Variants in VWC2L observed in about 807,000 individuals in gnomAD.
The protein encoded by VWC2L is von Willebrand factor C domain-containing protein 2-like.
VWC2L carries 10 observed loss-of-function variants against 21.6 expected under a neutral mutation model. The ratio of observed to expected loss-of-function variants is 0.46; its 90% confidence interval spans 0.29 to 0.78. The LOEUF (loss-of-function observed/expected upper bound fraction) is 0.78. VWC2L is among the 30% of genes least tolerant of loss of function. VWC2L has a pLI of 0.10. For missense variants in VWC2L, 209 were observed against 277.1 expected, an observed-to-expected ratio of 0.75 and a Z score of 1.74; for synonymous variants, 96 against 94.3, an observed-to-expected ratio of 1.02 and a Z score of -0.10.
chr2:214,567,114 CTAAG>C (rs754372504), intron 3 of VWC2L, among the ~76,000 whole-genome samples: 7 of 152,142 alleles, frequency 4.6e-5, no homozygotes, highest in Non-Finnish European at 8.8e-5. Flanking sequence ...CTAAAAGACA[CTAAG>C]TGTCAATAAT....
At chr2:214,515,946 C>T (rs1221114807) in intron 3 of VWC2L, among the ~76,000 whole-genome samples, 3 of 152,188 alleles carry the variant, frequency 2.0e-5, no homozygotes, top group Admixed American at 2.0e-4. Context: ...AACATTCTTT[C>T]TACCTCTTTA....
At chr2:214,516,372 G>A (rs2105908633) in intron 3 of VWC2L, among the ~76,000 whole-genome samples, 1 of 152,160 alleles carries the variant, frequency 6.6e-6, no homozygotes, top group Admixed American at 6.5e-5. Context: ...TGGCTTGCCA[G>A]GAGCTGCTAT....
intron 3 of VWC2L, among the ~76,000 whole-genome samples, chr2:214,508,390 T>A (rs1444389662): frequency 6.6e-6 from 1 of 152,208 alleles, no homozygotes; most frequent in Non-Finnish European, 1.5e-5. Context: ...CCCCTTTTCA[T>A]CCCACATTTT....
intron 3 of VWC2L, among the ~76,000 whole-genome samples, chr2:214,529,884 C>T (rs73989062): frequency 0.044 from 6,648 of 152,188 alleles, 466 homozygotes; most frequent in African/African-American, 0.15. Context: ...AGTTTCATTC[C>T]TCATCTTTTC....
chr2:214,463,194 G>T (rs1703166781), intron 3 of VWC2L, among the ~76,000 whole-genome samples: 1 of 152,056 alleles, frequency 6.6e-6, no homozygotes, highest in African/African-American at 2.4e-5. Flanking sequence ...TATTTTATCA[G>T]TTTGAGAGGT....
At chr2:214,457,537 T>G (rs1703074487) in intron 3 of VWC2L, among the ~76,000 whole-genome samples, 1 of 151,992 alleles carries the variant, frequency 6.6e-6, no homozygotes, top group Non-Finnish European at 1.5e-5. Context: ...TGAGTAGGAG[T>G]GGTGAAAGTG....
intron 3 of VWC2L, among the ~76,000 whole-genome samples, chr2:214,567,442 T>C (rs1423660277): frequency 6.6e-6 from 1 of 152,002 alleles, no homozygotes; most frequent in African/African-American, 2.4e-5. Context: ...CTTTGCAGTT[T>C]AGAGAAGAGA....
intron 3 of VWC2L, among the ~76,000 whole-genome samples, chr2:214,571,650 C>T (rs962762382): frequency 1.3e-5 from 2 of 152,152 alleles, no homozygotes; most frequent in Admixed American, 1.3e-4. Context: ...TAAGAAATAA[C>T]AAACCTTCAG....
intron 3 of VWC2L, among the ~76,000 whole-genome samples, chr2:214,534,315 G>A (rs1035639560): frequency 7.2e-5 from 11 of 152,224 alleles, no homozygotes; most frequent in Admixed American, 2.6e-4. Flanking sequence ...TGCACATGCT[G>A]CAATTAAAAT....
chr2:214,414,929 A>AT, intron 2 of VWC2L: 1 of 242,668 alleles, frequency 4.1e-6, no homozygotes, highest in Non-Finnish European at 7.9e-6. Context: ...TCCTAAATTA[A>AT]TTTTTTAATT....
chr2:214,566,797 A>T (rs763200002), intron 3 of VWC2L, among the ~76,000 whole-genome samples: 3 of 152,180 alleles, frequency 2.0e-5, no homozygotes, highest in Non-Finnish European at 2.9e-5. Context: ...AGCTCTAATG[A>T]CTGGTTTTTA....
At chr2:214,552,724 T>G (rs549312691) in intron 3 of VWC2L, among the ~76,000 whole-genome samples, 1 of 152,294 alleles carries the variant, frequency 6.6e-6, no homozygotes, top group South Asian at 2.1e-4. Flanking sequence ...TTCTCTCTCT[T>G]CATAGGAATC....
At chr2:214,420,720 C>T (rs1374761984) in intron 2 of VWC2L, among the ~76,000 whole-genome samples, 1 of 152,140 alleles carries the variant, frequency 6.6e-6, no homozygotes, top group East Asian at 1.9e-4. Context: ...TTTTAAGATA[C>T]TATCCCAAGA....
At chr2:214,449,423 T>G (rs1470261085) in intron 3 of VWC2L, among the ~76,000 whole-genome samples, 1 of 152,212 alleles carries the variant, frequency 6.6e-6, no homozygotes, top group Non-Finnish European at 1.5e-5. Flanking sequence ...AAAGAAAATG[T>G]GCCTTGATAT....
intron 3 of VWC2L, among the ~76,000 whole-genome samples, chr2:214,455,377 A>G (rs1021306882): frequency 2.0e-5 from 3 of 152,176 alleles, no homozygotes; most frequent in Admixed American, 2.0e-4. Flanking sequence ...TAAACTTTTA[A>G]TATTTTGATT....
Position 214,461,866 on chromosome 2 carries a change from G to A in VWC2L, c.520+25108G>A, listed in dbSNP as rs77559336. Among the ~76,000 whole-genome samples, 194 of 152,326 alleles carry A rather than the reference G, an allele frequency of 1.3e-3. 4 individuals are homozygous for A. The East Asian group carries it at 0.031, about 25-fold the overall frequency. ...CGCAGTGGCTCAGCTTCTGGTGTGC[G>A]TGTGGTTGCTATCAGTGTCAGCTAC... On this transcript the variant is annotated intron_variant, in intron 3 of 3. Transcript: ENST00000312504.
chr2:214,422,299 TTGTGTGTG>T (rs112286362), intron 2 of VWC2L, among the ~76,000 whole-genome samples: 7 of 150,242 alleles, frequency 4.7e-5, no homozygotes, highest in East Asian at 3.9e-4. Flanking sequence ...ATGCATTAAT[TTGTGTGTG>T]TGTGTGTGTG....
chr2:214,537,318 C>A (rs988859880), intron 3 of VWC2L, among the ~76,000 whole-genome samples: 3 of 151,946 alleles, frequency 2.0e-5, no homozygotes, highest in African/African-American at 7.2e-5. Context: ...TTGATGGACA[C>A]TTCACTGATT....
chr2:214,531,238 T>A (rs1224711040), intron 3 of VWC2L, among the ~76,000 whole-genome samples: 4 of 152,138 alleles, frequency 2.6e-5, no homozygotes, highest in Non-Finnish European at 5.9e-5. Context: ...ACACAGCAAA[T>A]ATCTGTAGGA....
Sources: allele counts gnomAD v4.1 joint callset (sites outside exome capture counted in the v4.1 genomes callset), GRCh38; gene constraint gnomAD v4.1.1; transcripts MANE v1.5; gene names NCBI Gene and HGNC (gene_info 2026-07-23, HGNC 2026-07-21).